Variants in TMEM230 observed in about 807,000 individuals in gnomAD.
TMEM230 encodes the protein transmembrane protein 230.
Under a neutral mutation model 15.8 loss-of-function variants are expected in TMEM230, and 10 were observed. That is an observed-to-expected ratio of 0.63 (90% CI 0.39 to 1.07). The LOEUF (loss-of-function observed/expected upper bound fraction) is 1.07. Among genes scored for constraint, TMEM230 ranks in the 50% least tolerant of loss-of-function variants. The pLI, the probability that TMEM230 is intolerant of heterozygous loss-of-function variation, is 0.01. For missense variants in TMEM230, 165 were observed against 193.3 expected, an observed-to-expected ratio of 0.85 and a Z score of 0.87; for synonymous variants, 67 against 76.9, an observed-to-expected ratio of 0.87 and a Z score of 0.68.
intron 3 of TMEM230, among the ~76,000 whole-genome samples, chr20:5,083,493 T>A (rs977854270): frequency 2.0e-5 from 3 of 152,146 alleles, no homozygotes; most frequent in African/African-American, 7.2e-5. Context: ...GAGAGTCATA[T>A]GATTTTTCTC....
At chr20:5,112,198 T>C (rs188590065) in intron 1 of TMEM230, among the ~76,000 whole-genome samples, 19 of 152,348 alleles carry the variant, frequency 1.2e-4, no homozygotes, top group Admixed American at 1.2e-3. Flanking sequence ...AATTAAATAA[T>C]TGGTGCTAAA....
chr20:5,061,120 A>T, the TMEM230 span: 1 of 152,226 alleles, frequency 6.6e-6, no homozygotes, highest in African/African-American at 2.4e-5. Flanking sequence ...ATATGAAGAC[A>T]TTCATTTGTA....
Position 5,106,074 on chromosome 20 carries a change from GACAAAC to G in TMEM230, c.411+108_411+113del, listed in dbSNP as rs150372292. On this transcript the variant is annotated intron_variant, in intron 4 of 4. Coordinates refer to ENST00000342308, the MANE Select transcript of TMEM230 (RefSeq NM_001009923.2). ...TCAAAAAAAACAGACCACTGGGACG[GACAAAC>G]ACACACACACACACACACACACACA... 0.24 allele frequency: 282,801 copies of G among 1,158,510 alleles called. 29,580 individuals carry two copies. Among genetic ancestry groups the G allele is most frequent in the South Asian group, 0.31 (17,847 of 57,466 alleles). The allele number at this position is 1,158,510 out of a possible 1,614,324, so 71.8% of individuals were successfully genotyped here. A position where few individuals can be genotyped will look rare whatever the true frequency, so the allele number is the denominator to read the frequency against.
At position 5,101,625 on chromosome 20, in the gene TMEM230, G is replaced by A. The variant is rs955279493; in HGVS notation, c.412-694C>T. On this transcript the variant is annotated intron_variant, in intron 4 of 4. Coordinates refer to ENST00000342308, the MANE Select transcript of TMEM230 (RefSeq NM_001009923.2). Reference sequence around the variant, plus strand: ...GTTTGTTTGGTAGAGATGAGGTCTCGCTATGTTGCCCAGGCTGGTCTCGAA... The same window carrying A: ...GTTTGTTTGGTAGAGATGAGGTCTCACTATGTTGCCCAGGCTGGTCTCGAA... Among the ~76,000 whole-genome samples the A allele has an allele frequency of 2.0e-5, 3 of 152,082 alleles. No individual in the cohort carries two copies. The East Asian group carries it at 5.8e-4, about 29-fold the overall frequency.
intron 3 of TMEM230, among the ~76,000 whole-genome samples, chr20:5,071,103 T>C (rs938129148): frequency 1.3e-5 from 2 of 152,192 alleles, no homozygotes; most frequent in Non-Finnish European, 2.9e-5. Context: ...AAGAGTCAGC[T>C]GATCATGTCC....
exon 4 of TMEM230, chr20:5,069,038 T>C: frequency 1.4e-6 from 1 of 709,296 alleles, no homozygotes. Flanking sequence ...TCTAGGCATA[T>C]GGAACATTCC....
intron 3 of TMEM230, chr20:5,109,107 A>G: frequency 2.6e-6 from 1 of 391,416 alleles, no homozygotes. Flanking sequence ...CTCTCGCATT[A>G]CAACTAAAAA....
chr20:5,113,061 C>A lies in TMEM230; in HGVS notation c.-33G>T. Reference sequence around the variant, plus strand: ...CCCGCTTAAGTGCCACTCAGCCGGCCCCAGGCGGGATCAGTGCGCCGGAAG... The same window carrying A: ...CCCGCTTAAGTGCCACTCAGCCGGCACCAGGCGGGATCAGTGCGCCGGAAG... On this transcript the variant is annotated 5_prime_UTR_variant, in exon 1 of 5. Transcript: ENST00000342308. 6.5e-7 allele frequency: 1 copy of A among 1,541,154 alleles called. No homozygotes were observed. Among genetic ancestry groups the A allele is most frequent in the Non-Finnish European group, 8.7e-7 (1 of 1,145,874 alleles).
intron 3 of TMEM230, among the ~76,000 whole-genome samples, chr20:5,079,170 T>C (rs1309061729): frequency 6.6e-6 from 1 of 152,118 alleles, no homozygotes; most frequent in Non-Finnish European, 1.5e-5. Context: ...TTTTATTGTT[T>C]TAGAGACAGG....
exon 4 of TMEM230, chr20:5,069,093 T>G (rs2088741832): frequency 9.3e-7 from 1 of 1,075,504 alleles, no homozygotes; most frequent in Admixed American, 2.7e-5. Flanking sequence ...CTGCTGCATT[T>G]TACAATCAGT....
chr20:5,071,588 A>C (rs1354620242), intron 3 of TMEM230, among the ~76,000 whole-genome samples: 2 of 148,488 alleles, frequency 1.3e-5, no homozygotes, highest in African/African-American at 5.0e-5. Context: ...GCGCCATTGC[A>C]CTCCAGCCTG....
At chr20:5,076,897 C>T (rs959115229) in intron 3 of TMEM230, among the ~76,000 whole-genome samples, 10 of 151,560 alleles carry the variant, frequency 6.6e-5, no homozygotes, top group East Asian at 2.0e-4. Context: ...AGGCTAGACT[C>T]GAACTCCTGA....
chr20:5,107,948 C>T (rs538795301), intron 3 of TMEM230, among the ~76,000 whole-genome samples: 1 of 151,986 alleles, frequency 6.6e-6, no homozygotes, highest in South Asian at 2.1e-4. Context: ...CCCATCTATA[C>T]TAAAAATACG....
intron 4 of TMEM230, among the ~76,000 whole-genome samples, chr20:5,104,374 C>G (rs1487586878): frequency 6.6e-6 from 1 of 151,986 alleles, no homozygotes; most frequent in Non-Finnish European, 1.5e-5. Flanking sequence ...TGGCTTTTAT[C>G]CAAAAAAAAC....
chr20:5,082,660 C>G (rs1334290608), intron 3 of TMEM230, among the ~76,000 whole-genome samples: 1 of 152,024 alleles, frequency 6.6e-6, no homozygotes, highest in African/African-American at 2.4e-5. Context: ...CCAGGATGGT[C>G]TCAAACTCCT....
chr20:5,094,292 C>T (rs2089600038), intron 3 of TMEM230, among the ~76,000 whole-genome samples: 1 of 152,020 alleles, frequency 6.6e-6, no homozygotes, highest in African/African-American at 2.4e-5. Context: ...GTTGCCCAGG[C>T]TGGAGTCCAG....
At chr20:5,083,904 G>A (rs563832776) in intron 3 of TMEM230, among the ~76,000 whole-genome samples, 6 of 152,264 alleles carry the variant, frequency 3.9e-5, no homozygotes, top group South Asian at 4.1e-4. Context: ...AGTTTGTTAC[G>A]TGGGTAAATT....
chr20:5,079,501 T>A (rs2089113719), intron 3 of TMEM230, among the ~76,000 whole-genome samples: 1 of 152,212 alleles, frequency 6.6e-6, no homozygotes, highest in African/African-American at 2.4e-5. Flanking sequence ...GTTTTTGTTT[T>A]GTTTTTAGAG....
chr20:5,092,439 C>T (rs1442615596), intron 3 of TMEM230, among the ~76,000 whole-genome samples: 9 of 152,040 alleles, frequency 5.9e-5, no homozygotes, highest in African/African-American at 2.4e-5. Context: ...AAAGGCAGGC[C>T]AGGCACGGTG....
Sources: gnomAD v4.1 joint callset for allele counts (sites outside exome capture counted in the v4.1 genomes callset) on GRCh38, gnomAD v4.1.1 for gene constraint, MANE v1.5 for transcripts, NCBI Gene and HGNC (gene_info 2026-07-23, HGNC 2026-07-21) for gene names.